EP400: variants seen among roughly 807,000 people sequenced by gnomAD.
EP400 encodes E1A-binding protein p400.
In EP400, 105 loss-of-function variants were observed where a neutral mutation model predicts 354.1. The observed-to-expected ratio is 0.30, with a 90% CI of 0.25 to 0.35. EP400 has a LOEUF of 0.35. Among genes scored for constraint, EP400 ranks in the 10% least tolerant of loss-of-function variants. The pLI, the probability that EP400 is intolerant of heterozygous loss-of-function variation, is 1.00. For synonymous variants in EP400, 1,646 were observed against 1,716.9 expected (o/e 0.96, Z 1.02); for missense variants, 3,280 against 4,121.0 (o/e 0.80, Z 5.59).
chr12:132,054,744 G>A lies in EP400; in HGVS notation c.7729-230G>A, dbSNP rs1483087878. ...AGTGGGGTGAGGGTGGAGGGACAGT[G>A]GGATGGAGGGTCCCTGGGGTGGAGG... On this transcript the variant is annotated intron_variant, in intron 43 of 52. Transcript: ENST00000389561. This position sits in a 1 kb window ranked among gnomAD's most constrained non-coding sequence, Gnocchi z 4.0. Among the ~76,000 whole-genome samples, 1 of 151,876 alleles carries A rather than the reference G, an allele frequency of 6.6e-6. No individual in the cohort carries two copies. Among genetic ancestry groups the A allele is most frequent in the South Asian group, 2.1e-4 (1 of 4,794 alleles).
At position 132,013,752 on chromosome 12, in the gene EP400, A is replaced by G; in HGVS notation, c.3787-25A>G. ...GTTACAGCAGCATTTTTGGAAAGAA[A>G]ACAGTAAACAGTTTTTATTTTCAGG... On this transcript the variant is annotated intron_variant, in intron 18 of 52. Coordinates refer to ENST00000389561, the MANE Select transcript of EP400 (RefSeq NM_015409.5). The surrounding 1 kb of genome is among the most constrained non-coding windows in gnomAD (Gnocchi z 4.5). 3 of 1,611,296 alleles carry G rather than the reference A, an allele frequency of 1.9e-6. No homozygotes were observed. The highest frequency in any genetic ancestry group is 2.5e-6 in the Non-Finnish European group (3 of 1,178,714).
At chr12:132,057,968 C>T (rs1405187615) in intron 45 of EP400, among the ~76,000 whole-genome samples, 1 of 152,178 alleles carries the variant, frequency 6.6e-6, no homozygotes, top group African/African-American at 2.4e-5. Context: ...AGTGTGCTTT[C>T]ATGGGGGCCT....
In EP400 at chr12:131,982,359, C is replaced by T; in HGVS notation, c.1810C>T (p.Pro604Ser). ...VKTQQPNVPI[P>S]APPSSQLPIP... ...GACTCAGCAGCCCAATGTTCCCATC[C>T]CTGCACCGCCCAGCAGCCAACTCCC... Residue 604 changes from proline (P) to serine (S), a missense_variant, in exon 5 of 53, where the codon CCT becomes TCT. Pro to Ser is a moderately conservative substitution (Grantham distance 74). This residue lies in a region of EP400 where 800 missense variants were observed against 840.0 expected (regional missense o/e 0.95). Transcript: ENST00000389561. 1 of 1,614,212 alleles carries T rather than the reference C, an allele frequency of 6.2e-7. No homozygotes were observed. Among genetic ancestry groups the T allele is most frequent in the Non-Finnish European group, 8.5e-7 (1 of 1,180,028 alleles).
chr12:131,972,941 A>C (rs915504491), intron 2 of EP400, among the ~76,000 whole-genome samples: 3 of 152,002 alleles, frequency 2.0e-5, no homozygotes, highest in South Asian at 2.1e-4. Flanking sequence ...CATGTCGGCC[A>C]GGCTGGTCTC....
intron 2 of EP400, among the ~76,000 whole-genome samples, chr12:131,976,095 C>T (rs971463916): frequency 2.6e-5 from 4 of 152,044 alleles, no homozygotes; most frequent in Non-Finnish European, 5.9e-5. Flanking sequence ...ATCTCCATTT[C>T]GCTCTTTATT....
At chr12:132,077,203 G>C (rs2136628461) in intron 52 of EP400, among the ~76,000 whole-genome samples, 198 bp from the exon 53 acceptor site, 1 of 152,272 alleles carries the variant, frequency 6.6e-6, no homozygotes, top group South Asian at 2.1e-4. Flanking sequence ...TAGTCTAAAA[G>C]CAACCATCTT....
rs772766957 is a variant in EP400, at chr12:132,044,947, C to T, written c.6778C>T (p.Pro2260Ser). The change falls in exon 37 of 53, where the codon CCC becomes TCC. Residue 2260 changes from proline (P) to serine (S), a missense_variant. This residue lies in a region of EP400 where 231 missense variants were observed against 257.9 expected (regional missense o/e 0.90). Coordinates refer to ENST00000389561, the MANE Select transcript of EP400 (RefSeq NM_015409.5). ...RKERKRHKTDPSAAGRKKKQR... is the reference protein window; with the variant it reads ...RKERKRHKTDSSAAGRKKKQR... Reference sequence around the variant, plus strand: ...GGAGCGGAAGCGACACAAAACAGACCCCTCAGGTGCGCATCCCGAGGGCGT... The same window carrying T: ...GGAGCGGAAGCGACACAAAACAGACTCCTCAGGTGCGCATCCCGAGGGCGT... 4 of 1,613,964 alleles carry T rather than the reference C, an allele frequency of 2.5e-6. No individual in the cohort carries two copies. Among genetic ancestry groups the T allele is most frequent in the South Asian group, 1.1e-5 (1 of 91,078 alleles).
intron 12 of EP400, among the ~76,000 whole-genome samples, chr12:131,997,715 TC>T (rs1366373600): frequency 3.3e-5 from 5 of 151,342 alleles, no homozygotes. Context: ...CTCGTCATCT[TC>T]ACGTTGAGTA....
rs937603757 is a variant in EP400 at position 132,052,564 on chromosome 12, C to T, written c.7395-582C>T. On this transcript the variant is annotated intron_variant, in intron 41 of 52. Coordinates refer to ENST00000389561, the MANE Select transcript of EP400 (RefSeq NM_015409.5). This position sits in a 1 kb window ranked among gnomAD's most constrained non-coding sequence, Gnocchi z 4.4. The stretch of plus-strand genomic sequence containing the variant: ...ATAGCAGCCAGTACGTCTTCAGACC[C>T]ACTGCACATTTTACCTGTTTGTCGT... Among the ~76,000 whole-genome samples, 126 of 152,370 alleles carry T rather than the reference C, an allele frequency of 8.3e-4. No individual in the cohort carries two copies. Among genetic ancestry groups the T allele is most frequent in the African/African-American group, 2.9e-3 (119 of 41,580 alleles).
rs566400313 is a variant in EP400, at chr12:132,032,735, A to G, written c.5951+586A>G. ...GACCTCTGTCTCCCGGGTTCAAGCAATTCTTCTGCCTCAGCCTCCCGAATA... is the reference window on the plus strand; with the variant it reads ...GACCTCTGTCTCCCGGGTTCAAGCAGTTCTTCTGCCTCAGCCTCCCGAATA... On this transcript the variant is annotated intron_variant, in intron 30 of 52. Transcript: ENST00000389561. Among the ~76,000 whole-genome samples the G allele has an allele frequency of 6.6e-5, 10 of 151,792 alleles. No individual in the cohort carries two copies. The East Asian group carries it at 9.7e-4, about 15-fold the overall frequency.
intron 2 of EP400, among the ~76,000 whole-genome samples, chr12:131,975,355 T>C (rs1245142454): frequency 6.6e-6 from 1 of 152,188 alleles, no homozygotes; most frequent in Non-Finnish European, 1.5e-5. Context: ...TGGATTGCCT[T>C]AGAGGCTTTG....
intron 2 of EP400, among the ~76,000 whole-genome samples, chr12:131,970,969 C>T (rs548584074): frequency 7.9e-5 from 12 of 152,082 alleles, no homozygotes; most frequent in African/African-American, 2.4e-4. Context: ...TTGGAGAGGC[C>T]GAGGCTGTAG....
chr12:132,055,744 G>A lies in EP400; in HGVS notation c.7884+536G>A, dbSNP rs138330832. ...AAGTGTAGGGGTGTGTGTGTGAAGT[G>A]TAGGAGGGTATGTGTGTGTGTGTGT... is the stretch of plus-strand genomic sequence containing the variant. On this transcript the variant is annotated intron_variant, in intron 45 of 52. Transcript: ENST00000389561. 9.0e-4 allele frequency among the ~76,000 whole-genome samples: 135 copies of A among 149,914 alleles called. 1 individual carries two copies. The Middle Eastern group carries it at 0.01, about 11-fold the overall frequency.
At chr12:132,008,583 CA>C (rs1662626326) in intron 15 of EP400, among the ~76,000 whole-genome samples, 1 of 150,594 alleles carries the variant, frequency 6.6e-6, no homozygotes, top group Non-Finnish European at 1.5e-5. Flanking sequence ...GTAGCCTATA[CA>C]TTTTTTTTTT....
chr12:131,993,272 G>A (rs889742762), intron 11 of EP400, among the ~76,000 whole-genome samples: 4 of 152,106 alleles, frequency 2.6e-5, no homozygotes, highest in African/African-American at 9.7e-5. Flanking sequence ...TAATCCACCC[G>A]CCTCAGCCTC....
In EP400 at chr12:132,027,755, G is replaced by A. The variant is rs1355673322; in HGVS notation, c.5109+224G>A. ...TATGTCCTTCTGCAAGTCTTCCTGGGCATTAGAATTGCTCACTTGTGTCTT... is the reference window on the plus strand; with the variant it reads ...TATGTCCTTCTGCAAGTCTTCCTGGACATTAGAATTGCTCACTTGTGTCTT... On this transcript the variant is annotated intron_variant, in intron 26 of 52. Transcript: ENST00000389561. This position sits in a 1 kb window ranked among gnomAD's most constrained non-coding sequence, Gnocchi z 4.9. Among the ~76,000 whole-genome samples, 1 of 152,168 alleles carries A rather than the reference G, an allele frequency of 6.6e-6. No homozygotes were observed. Among genetic ancestry groups the A allele is most frequent in the East Asian group, 1.9e-4 (1 of 5,194 alleles).
rs957106344 is a variant in EP400 at position 132,078,743 on chromosome 12, G to A, written c.*1070G>A. ...AGTCAACTCTTCCTTGTGGACTTAC[G>A]ACAGCAGATTTTCTCTAGGATAAGC... On this transcript the variant is annotated 3_prime_UTR_variant, in exon 53 of 53. Transcript: ENST00000389561. 2 of 152,228 alleles carry A rather than the reference G, an allele frequency of 1.3e-5. No homozygotes were observed. The highest frequency in any genetic ancestry group is 4.8e-5 in the African/African-American group (2 of 41,452). The allele number at this position is 152,228 out of a possible 1,614,324, so 9.4% of individuals were successfully genotyped here. A position where few individuals can be genotyped will look rare whatever the true frequency, so the allele number is the denominator to read the frequency against.
Position 132,061,677 on chromosome 12 carries a change from C to T in EP400, c.7885-433C>T, listed in dbSNP as rs190242040. 1.1e-4 allele frequency among the ~76,000 whole-genome samples: 17 copies of T among 152,286 alleles called. No individual in the cohort carries two copies. The South Asian group carries it at 3.3e-3, about 30-fold the overall frequency. On this transcript the variant is annotated intron_variant, in intron 45 of 52. Transcript: ENST00000389561. The stretch of plus-strand genomic sequence containing the variant: ...AGATGAAGGTAAGATGCCACAAGAC[C>T]CCACGCACATGGTGAGACACTCAGG...
intron 29 of EP400, chr12:132,031,394 T>A: frequency 1.9e-6 from 1 of 519,078 alleles, no homozygotes; most frequent in Non-Finnish European, 3.8e-6. Context: ...TTCCTTCTTG[T>A]CACTCATGGC....
Sources: allele counts gnomAD v4.1 joint callset (sites outside exome capture counted in the v4.1 genomes callset), GRCh38; gene constraint gnomAD v4.1.1; regional missense constraint gnomAD v4.1.1; non-coding constraint Gnocchi (gnomAD v3.1); transcripts MANE v1.5; gene names NCBI Gene and HGNC (gene_info 2026-07-23, HGNC 2026-07-21).